Variants in ANKRD44 observed in about 807,000 individuals in gnomAD.
ANKRD44 encodes the protein serine/threonine-protein phosphatase 6 regulatory ankyrin repeat subunit B.
In ANKRD44, 35 loss-of-function variants were observed where a neutral mutation model predicts 116.0. The observed-to-expected ratio is 0.30, with a 90% confidence interval of 0.23 to 0.40. The LOEUF is 0.40. Ranked by LOEUF, ANKRD44 falls within the 10% of genes least tolerant of loss-of-function variation. The pLI, the probability that ANKRD44 is intolerant of heterozygous loss-of-function variation, is 1.00. For missense variants in ANKRD44, 1,014 were observed against 1,242.6 expected (o/e 0.82, Z 2.77); for synonymous variants, 435 against 461.8 (o/e 0.94, Z 0.74).
intron 21 of ANKRD44, among the ~76,000 whole-genome samples, chr2:196,980,036 A>C (rs1053940265): frequency 1.3e-5 from 2 of 152,206 alleles, no homozygotes; most frequent in Non-Finnish European, 2.9e-5. Flanking sequence ...ATCTCTAGGA[A>C]CTATTGTTAG....
chr2:197,012,595 G>GT (rs1217976188), intron 18 of ANKRD44, among the ~76,000 whole-genome samples: 1 of 151,752 alleles, frequency 6.6e-6, no homozygotes, highest in Non-Finnish European at 1.5e-5. Context: ...CAACAATTAG[G>GT]TTTTTTCAAC....
At chr2:197,099,703 GTA>G (rs538802814) in intron 10 of ANKRD44, 111 bp downstream of exon 10, 98 of 1,469,770 alleles carry the variant, frequency 6.7e-5, no homozygotes, top group Middle Eastern at 1.8e-4. Flanking sequence ...TAGTATAATG[GTA>G]TAGATCCACC....
intron 1 of ANKRD44, chr2:197,263,145 C>T (rs1267606638): frequency 2.1e-6 from 1 of 480,556 alleles, no homozygotes; most frequent in Non-Finnish European, 3.9e-6. Flanking sequence ...TCCACTCCCT[C>T]CTTGGTCAAG....
chr2:197,292,191 G>C (rs1013682308), intron 1 of ANKRD44, among the ~76,000 whole-genome samples: 2 of 152,190 alleles, frequency 1.3e-5, no homozygotes, highest in Non-Finnish European at 2.9e-5. Flanking sequence ...TATATACCCA[G>C]TAATGGGATT....
At chr2:197,025,968 C>G (rs1369203149) in intron 16 of ANKRD44, among the ~76,000 whole-genome samples, 1 of 149,418 alleles carries the variant, frequency 6.7e-6, no homozygotes, top group Non-Finnish European at 1.5e-5. Context: ...TCTCGTAGAC[C>G]CTTGGTGGAA....
At chr2:197,134,616 A>G (rs2079173707) in intron 4 of ANKRD44, 1 of 152,230 alleles carries the variant, frequency 6.6e-6, no homozygotes, top group Non-Finnish European at 1.5e-5. Flanking sequence ...AAGGTCACAG[A>G]GTAATGAAAT....
At chr2:197,046,804 G>A (rs1203212814) in intron 16 of ANKRD44, among the ~76,000 whole-genome samples, 1 of 151,998 alleles carries the variant, frequency 6.6e-6, no homozygotes, top group Non-Finnish European at 1.5e-5. Context: ...TCCTTAATAG[G>A]TAAAGTAAAA....
intron 1 of ANKRD44, among the ~76,000 whole-genome samples, chr2:197,245,322 T>C (rs1394461245): frequency 1.3e-5 from 2 of 152,172 alleles, no homozygotes; most frequent in East Asian, 3.8e-4. Flanking sequence ...GCATTTACAT[T>C]GTATTAGGTA....
At chr2:197,248,604 TGAGAGA>T (rs146530074) in intron 1 of ANKRD44, among the ~76,000 whole-genome samples, 2 of 143,036 alleles carry the variant, frequency 1.4e-5, no homozygotes, top group African/African-American at 5.6e-5. Context: ...AGAGAGAGAT[TGAGAGA>T]GAGAGGAGAA....
intron 1 of ANKRD44, among the ~76,000 whole-genome samples, chr2:197,291,563 T>C (rs572209054): frequency 6.6e-6 from 1 of 152,258 alleles, no homozygotes; most frequent in South Asian, 2.1e-4. Flanking sequence ...TTTACAGGCA[T>C]GAGCCACCAC....
At chr2:197,083,592 C>A in intron 13 of ANKRD44, 83 bp from the exon 14 acceptor site, 1 of 1,480,276 alleles carries the variant, frequency 6.8e-7, no homozygotes, top group South Asian at 1.4e-5. Context: ...AGCAGTATGC[C>A]TAGGGCATGG....
chr2:197,000,550 A>G (rs563307144), intron 22 of ANKRD44, 48 bp from the exon 23 acceptor site: 63 of 1,441,480 alleles, frequency 4.4e-5, no homozygotes, highest in Non-Finnish European at 5.9e-5. Flanking sequence ...CTTTTAAATT[A>G]TATCACCTCC....
intron 21 of ANKRD44, among the ~76,000 whole-genome samples, chr2:196,970,710 A>G (rs2075709144): frequency 6.6e-6 from 1 of 152,030 alleles, no homozygotes; most frequent in Non-Finnish European, 1.5e-5. Context: ...TTAAATCAAT[A>G]TTTCTTTTTG....
rs146382052 is a variant in ANKRD44, at chr2:197,266,634, T to C, written c.27+43944A>G. Among the ~76,000 whole-genome samples, 127 of 151,028 alleles carry C rather than the reference T, an allele frequency of 8.4e-4. No individual in the cohort carries two copies. In the East Asian group the frequency reaches 0.022, roughly 27 times the overall value. ...CATCTAGTATGGGCATGCAAGAGTG[T>C]CACTAAACTCTGTATAACCTCAGGC... On this transcript the variant is annotated intron_variant, in intron 1 of 27. Transcript: ENST00000282272.
At chr2:197,140,909 A>G (rs559983547) in intron 3 of ANKRD44, among the ~76,000 whole-genome samples, 1 of 151,876 alleles carries the variant, frequency 6.6e-6, no homozygotes, top group South Asian at 2.1e-4. Flanking sequence ...ATTATACTTC[A>G]ATAAAGCTGC....
intron 21 of ANKRD44, among the ~76,000 whole-genome samples, chr2:196,976,676 C>T (rs942679398): frequency 5.3e-5 from 8 of 151,990 alleles, no homozygotes; most frequent in African/African-American, 1.5e-4. Flanking sequence ...GATCAGCCTG[C>T]ACAACATGAC....
intron 1 of ANKRD44, among the ~76,000 whole-genome samples, chr2:197,301,911 G>A (rs1376544429): frequency 6.6e-6 from 1 of 152,150 alleles, no homozygotes; most frequent in African/African-American, 2.4e-5. Flanking sequence ...ACACTGTGGA[G>A]GAAAATAAAG....
chr2:197,280,047 C>T (rs1478147811), intron 1 of ANKRD44, among the ~76,000 whole-genome samples: 3 of 152,190 alleles, frequency 2.0e-5, no homozygotes, highest in Non-Finnish European at 4.4e-5. Flanking sequence ...ACCACCTTAT[C>T]TCTCTCTTTC....
intron 7 of ANKRD44, among the ~76,000 whole-genome samples, chr2:197,122,207 C>T (rs907763114): frequency 2.0e-5 from 3 of 152,134 alleles, no homozygotes; most frequent in Non-Finnish European, 2.9e-5. Flanking sequence ...GTTCCAGCCT[C>T]ACCACTGCTC....
Sources: allele counts gnomAD v4.1 joint callset (sites outside exome capture counted in the v4.1 genomes callset), GRCh38; gene constraint gnomAD v4.1.1; transcripts MANE v1.5; gene names NCBI Gene and HGNC (gene_info 2026-07-23, HGNC 2026-07-21).